Variants in CTXN2 observed in about 807,000 individuals in gnomAD.
CTXN2 encodes cortexin 2, also known as cortexin-2.
In CTXN2, 3 loss-of-function variants were observed where a neutral mutation model predicts 5.7. The ratio of observed to expected loss-of-function variants is 0.53; its 90% CI spans 0.24 to 1.36. CTXN2 has a LOEUF of 1.36. Ranked by LOEUF, CTXN2 falls within the 40% of genes most tolerant of loss-of-function variation. The pLI is 0.17. For synonymous variants in CTXN2, 38 were observed against 36.4 expected (o/e 1.04, Z -0.16); for missense variants, 87 against 93.0 (o/e 0.94, Z 0.26).
chr15:48,186,433 A>G (rs1049565207), intron 1 of CTXN2, among the ~76,000 whole-genome samples: 2 of 152,224 alleles, frequency 1.3e-5, no homozygotes, highest in Admixed American at 1.3e-4. Flanking sequence ...CACTGTTGAC[A>G]AAATCCCACA....
chr15:48,180,626 C>G (rs1405095211), intron 1 of CTXN2, among the ~76,000 whole-genome samples: 2 of 152,196 alleles, frequency 1.3e-5, no homozygotes, highest in Non-Finnish European at 2.9e-5. Flanking sequence ...GTTCTCCTGC[C>G]TCAGCCTCCT....
At chr15:48,186,798 T>C (rs2040760881), upstream of CTXN2, among the ~76,000 whole-genome samples, 1 of 151,018 alleles carries the variant, frequency 6.6e-6, no homozygotes, top group Non-Finnish European at 1.5e-5. Flanking sequence ...TAATCCCAGT[T>C]ACTCAGAAGG....
In CTXN2 at chr15:48,202,854, C is replaced by T. The variant is rs2040939233; in HGVS notation, c.*1308C>T. On this transcript the variant is annotated 3_prime_UTR_variant, in exon 2 of 2. Transcript: ENST00000417307. ...ATTCTTTCCAACTACAAACTTCTGA[C>T]TCTCTATGAGTCAGAATGGAGGAAC... 6.1e-6 allele frequency: 1 copy of T among 165,246 alleles called. No individual in the cohort carries two copies. The highest frequency in any genetic ancestry group is 1.5e-5 in the Non-Finnish European group (1 of 68,116). The allele number at this position is 165,246 out of a possible 1,614,324, so 10.2% of individuals were successfully genotyped here. A position where few individuals can be genotyped will look rare whatever the true frequency, so the allele number is the denominator to read the frequency against.
In CTXN2 at chr15:48,201,493, G is replaced by T; in HGVS notation, c.193G>T (p.Glu65Ter). The change falls in exon 2 of 2, where the codon GAA becomes TAA. Residue 65 changes from glutamate to a stop codon, truncating the protein, a stop_gained. Coordinates refer to ENST00000417307, the MANE Select transcript of CTXN2 (RefSeq NM_001145668.2). LOFTEE classifies it high-confidence loss of function. ...PYSSMPSSTW[E>*]DEVEEFDKGT... ...TAGTAGCATGCCTTCCTCTACATGGGAAGATGAAGTTGAAGAGTTTGATAA... is the reference window on the plus strand; with the variant it reads ...TAGTAGCATGCCTTCCTCTACATGGTAAGATGAAGTTGAAGAGTTTGATAA... The T allele has an allele frequency of 6.4e-7, 1 of 1,551,212 alleles. No homozygotes were observed. Among genetic ancestry groups the T allele is most frequent in the Non-Finnish European group, 8.7e-7 (1 of 1,146,604 alleles).
chr15:48,182,650 T>C (rs1052745276), intron 1 of CTXN2, among the ~76,000 whole-genome samples: 31 of 152,358 alleles, frequency 2.0e-4, no homozygotes, highest in African/African-American at 5.8e-4. Context: ...ATGCAGTATG[T>C]ATATAAACAA....
At chr15:48,189,436 A>G (rs2040792109), upstream of CTXN2, 1 of 152,208 alleles carries the variant, frequency 6.6e-6, no homozygotes, top group Admixed American at 6.5e-5. Flanking sequence ...CAACCGTGAT[A>G]ATAAATTATT....
At chr15:48,195,851 G>A (rs754899725) in intron 1 of CTXN2, among the ~76,000 whole-genome samples, 14 of 152,052 alleles carry the variant, frequency 9.2e-5, no homozygotes, top group Non-Finnish European at 1.6e-4. Context: ...TTAAATACAA[G>A]TTGGCTTCCT....
At chr15:48,192,287 G>A (rs1010282262) in intron 1 of CTXN2, 2 of 159,122 alleles carry the variant, frequency 1.3e-5, no homozygotes, top group Non-Finnish European at 2.8e-5. Context: ...GAAGGATTGA[G>A]TGTCAGAGTC....
At position 48,202,263 on chromosome 15, in the gene CTXN2, ACT is replaced by A. The variant is rs1340790750; in HGVS notation, c.*720_*721del. The A allele has an allele frequency of 6.0e-6, 1 of 167,198 alleles. No individual in the cohort carries two copies. The highest frequency in any genetic ancestry group is 1.5e-5 in the Non-Finnish European group (1 of 68,248). 10.4% of individuals were successfully genotyped at this position (167,198 alleles called of 1,614,324 possible). On this transcript the variant is annotated 3_prime_UTR_variant, in exon 2 of 2. Transcript: ENST00000417307. ...TCCAGCATGACCTAGTGGAAAGAGT[ACT>A]CTAAGCAGAAACAAAGACAGTCTCA...
At chr15:48,187,112 G>A (rs1250958140), upstream of CTXN2, among the ~76,000 whole-genome samples, 1 of 151,742 alleles carries the variant, frequency 6.6e-6, no homozygotes, top group Non-Finnish European at 1.5e-5. Flanking sequence ...GTATTTTTAG[G>A]AAGAGGGCAT....
At position 48,186,075 on chromosome 15, in the gene CTXN2, T is replaced by C. The variant is rs188575239; in HGVS notation, c.-454-5382T>C. Among the ~76,000 whole-genome samples, 186 of 152,304 alleles carry C rather than the reference T, an allele frequency of 1.2e-3. 3 individuals are homozygous for C. In the South Asian group the frequency reaches 0.022, roughly 18 times the overall value. ...ATAACTTAAGCTAATCTCTATATAC[T>C]ATACTGTAGTTATGGCTCATACATT... is the stretch of plus-strand genomic sequence containing the variant. On this transcript the variant is annotated intron_variant, in intron 1 of 2. Transcript: ENST00000644354.
chr15:48,193,239 C>T (rs1439839438), intron 1 of CTXN2, among the ~76,000 whole-genome samples: 1 of 152,116 alleles, frequency 6.6e-6, no homozygotes, highest in Admixed American at 6.5e-5. Flanking sequence ...CCAAGTTACT[C>T]ATTGCCAAAG....
intron 1 of CTXN2, among the ~76,000 whole-genome samples, chr15:48,185,410 T>C (rs557495116): frequency 1.3e-5 from 2 of 152,292 alleles, no homozygotes; most frequent in South Asian, 4.1e-4. Context: ...GAACTTTCTG[T>C]ACTCTCTGAC....
In CTXN2 at chr15:48,202,660, A is replaced by T. The variant is rs2040937958; in HGVS notation, c.*1114A>T. ...AATGTGAAAGCATTTTGTAAACCAT[A>T]AAACAGTATCTAAACATACCTTGCT... On this transcript the variant is annotated 3_prime_UTR_variant, in exon 2 of 2. Transcript: ENST00000417307. 6.0e-6 allele frequency: 1 copy of T among 167,056 alleles called. No homozygotes were observed. Among genetic ancestry groups the T allele is most frequent in the Non-Finnish European group, 1.5e-5 (1 of 68,108 alleles). 10.3% of individuals were successfully genotyped at this position (167,056 alleles called of 1,614,324 possible). A position where few individuals can be genotyped will look rare whatever the true frequency, so the allele number is the denominator to read the frequency against.
chr15:48,180,559 T>G (rs1444315394), intron 1 of CTXN2, among the ~76,000 whole-genome samples: 1 of 152,242 alleles, frequency 6.6e-6, no homozygotes, highest in African/African-American at 2.4e-5. Flanking sequence ...TCACCCAGGC[T>G]GGAGTGCAGT....
chr15:48,180,861 A>G (rs991241073), intron 1 of CTXN2, among the ~76,000 whole-genome samples: 2 of 152,174 alleles, frequency 1.3e-5, no homozygotes, highest in African/African-American at 4.8e-5. Context: ...AGGTACATTG[A>G]AAAATTCTTA....
Position 48,202,626 on chromosome 15 carries a change from G to C in CTXN2, c.*1080G>C, listed in dbSNP as rs757160687. ...TCAGCAATATTGAGAGGGCCAATTA[G>C]ATATAATGAATGTGAAAGCATTTTG... On this transcript the variant is annotated 3_prime_UTR_variant, in exon 2 of 2. Coordinates refer to ENST00000417307, the MANE Select transcript of CTXN2 (RefSeq NM_001145668.2). The C allele has an allele frequency of 1.8e-5, 3 of 166,980 alleles. No homozygotes were observed. Among genetic ancestry groups the C allele is most frequent in the Non-Finnish European group, 4.4e-5 (3 of 68,106 alleles). 10.3% of individuals were successfully genotyped at this position (166,980 alleles called of 1,614,324 possible).
At chr15:48,201,184 C>A in intron 1 of CTXN2, 60 bp from the exon 2 acceptor site, 2 of 1,040,854 alleles carry the variant, frequency 1.9e-6, no homozygotes, top group Non-Finnish European at 2.7e-6. Flanking sequence ...TTTTATTAAG[C>A]AACAACCTAC....
chr15:48,182,750 C>G (rs1279956214), intron 1 of CTXN2, among the ~76,000 whole-genome samples: 2 of 152,148 alleles, frequency 1.3e-5, no homozygotes, highest in African/African-American at 2.4e-5. Flanking sequence ...GATGTTTCCT[C>G]TAGGAAAGGA....
Sources: allele counts gnomAD v4.1 joint callset (sites outside exome capture counted in the v4.1 genomes callset), GRCh38; gene constraint gnomAD v4.1.1; transcripts MANE v1.5; gene names NCBI Gene and HGNC (gene_info 2026-07-23, HGNC 2026-07-21).